The following TBL1XR1 variants were observed in gnomAD, a reference collection of about 807,000 sequenced individuals.
TBL1XR1 encodes the protein TBL1X/Y related 1.
In TBL1XR1, 5 loss-of-function variants were observed where a neutral mutation model predicts 66.9. The ratio of observed to expected loss-of-function variants is 0.07; its 90% CI spans 0.04 to 0.16. TBL1XR1 has a LOEUF of 0.16. Among genes scored for constraint, TBL1XR1 ranks in the 10% least tolerant of loss-of-function variants. The probability of loss-of-function intolerance (pLI) is 1.00; values close to 1 mark genes in which losing one functional copy is unlikely to be tolerated. For synonymous variants in TBL1XR1, 210 were observed against 206.0 expected (o/e 1.02, Z -0.17); for missense variants, 238 against 623.2 (o/e 0.38, Z 6.58).
At chr3:177,039,423 A>G (rs934260569) in intron 10 of TBL1XR1, among the ~76,000 whole-genome samples, 3 of 152,232 alleles carry the variant, frequency 2.0e-5, no homozygotes, top group East Asian at 1.9e-4. Context: ...GGAATACGGC[A>G]TATGATTTGC....
rs1222890401 is a variant in TBL1XR1, at chr3:177,185,830, CCTCT to C, written c.-122+11287_-122+11290del. On this transcript the variant is annotated intron_variant, in intron 1 of 15. Transcript: ENST00000457928. ...ACCAGCCTGAGCAACATAGTGAGAT[CCTCT>C]CTCTACAAAAAATTAAAAATAAAAA... Among the ~76,000 whole-genome samples the C allele has an allele frequency of 1.3e-4, 20 of 152,076 alleles. No homozygotes were observed. In the South Asian group the frequency reaches 1.5e-3, roughly 11 times the overall value.
At chr3:177,029,938 C>A (rs2108393431) in intron 14 of TBL1XR1, among the ~76,000 whole-genome samples, 1 of 152,118 alleles carries the variant, frequency 6.6e-6, no homozygotes, top group Non-Finnish European at 1.5e-5. Flanking sequence ...AAATGTTCAC[C>A]AGTCTGATAA....
In TBL1XR1 at chr3:177,091,496, T is replaced by C. The variant is rs545063942; in HGVS notation, c.-46+6970A>G. 1.2e-3 allele frequency among the ~76,000 whole-genome samples: 187 copies of C among 152,218 alleles called. 1 individual carries two copies. The highest frequency in any genetic ancestry group is 6.8e-3 in the South Asian group (33 of 4,828). ...CTGATCTGAGGACCAATGAAGGACA[T>C]GTACAAGATGAGCTTTGGCCAACAT... On this transcript the variant is annotated intron_variant, in intron 2 of 15. Transcript: ENST00000457928.
At chr3:177,093,683 A>C (rs1196287917) in intron 2 of TBL1XR1, among the ~76,000 whole-genome samples, 1 of 152,174 alleles carries the variant, frequency 6.6e-6, no homozygotes, top group Non-Finnish European at 1.5e-5. Flanking sequence ...TTTACAGCCA[A>C]CTGATCTTCG....
At chr3:177,119,199 C>T (rs565170571) in intron 1 of TBL1XR1, among the ~76,000 whole-genome samples, 2 of 152,286 alleles carry the variant, frequency 1.3e-5, no homozygotes, top group South Asian at 4.1e-4. Context: ...CTCCAAACTC[C>T]TGACCTCAGG....
chr3:177,120,824 T>C (rs1726898354), intron 1 of TBL1XR1: 1 of 152,286 alleles, frequency 6.6e-6, no homozygotes, highest in Admixed American at 6.5e-5. Flanking sequence ...TTTTAATCAC[T>C]ATCACATAGT....
intron 1 of TBL1XR1, among the ~76,000 whole-genome samples, chr3:177,188,227 G>A (rs1048273232): frequency 1.3e-5 from 2 of 151,808 alleles, no homozygotes; most frequent in African/African-American, 4.8e-5. Context: ...ACCGTGCCCG[G>A]CCCAGAGAAT....
intron 2 of TBL1XR1, among the ~76,000 whole-genome samples, chr3:177,095,820 G>A (rs887327705): frequency 5.3e-5 from 8 of 152,226 alleles, no homozygotes; most frequent in African/African-American, 4.8e-5. Flanking sequence ...TTGTGTCTAG[G>A]TAAAAGAAGA....
At chr3:177,094,802 G>C (rs969508262) in intron 2 of TBL1XR1, among the ~76,000 whole-genome samples, 18 of 151,812 alleles carry the variant, frequency 1.2e-4, no homozygotes, top group African/African-American at 4.1e-4. Flanking sequence ...ATATACAATG[G>C]ACCTTGTGGA....
chr3:177,099,347 A>T (rs745693313), intron 1 of TBL1XR1: 2 of 152,476 alleles, frequency 1.3e-5, no homozygotes, highest in African/African-American at 4.8e-5. Context: ...AGCCTGGGGT[A>T]CAACAGCGAG....
At position 177,023,657 on chromosome 3, in the gene TBL1XR1, T is replaced by TA. The variant is rs1195716612; in HGVS notation, c.*1840dup. ...TCTTTACCAATAGCAAATGCTACCCTACCTTAGTAAAACCAAGACTTGCTT... is the reference window on the plus strand; with the variant it reads ...TCTTTACCAATAGCAAATGCTACCCTAACCTTAGTAAAACCAAGACTTGCTT... On this transcript the variant is annotated 3_prime_UTR_variant, in exon 16 of 16. Coordinates refer to ENST00000457928, the MANE Select transcript of TBL1XR1 (RefSeq NM_024665.7). 1 of 152,572 alleles carries TA rather than the reference T, an allele frequency of 6.6e-6. No homozygotes were observed. The highest frequency in any genetic ancestry group is 1.5e-5 in the Non-Finnish European group (1 of 67,952). 9.5% of individuals were successfully genotyped at this position (152,572 alleles called of 1,614,324 possible).
At chr3:177,042,327 G>A (rs1255780939) in intron 10 of TBL1XR1, among the ~76,000 whole-genome samples, 2 of 152,092 alleles carry the variant, frequency 1.3e-5, no homozygotes, top group East Asian at 1.9e-4. Flanking sequence ...TATATGTCAG[G>A]ATGTTCCAGA....
intron 1 of TBL1XR1, among the ~76,000 whole-genome samples, chr3:177,133,830 C>T (rs1010521327): frequency 3.5e-5 from 5 of 142,236 alleles, no homozygotes; most frequent in Admixed American, 1.6e-4. Context: ...GAGCCAAGAT[C>T]GCGCCACTGC....
At chr3:177,082,593 G>C (rs186630819) in intron 2 of TBL1XR1, among the ~76,000 whole-genome samples, 2 of 150,886 alleles carry the variant, frequency 1.3e-5, no homozygotes, top group African/African-American at 4.9e-5. Context: ...ACAGTTATGC[G>C]TAACACTAGA....
intron 2 of TBL1XR1, among the ~76,000 whole-genome samples, chr3:177,092,576 T>C (rs1037136823): frequency 6.6e-6 from 1 of 152,086 alleles, no homozygotes; most frequent in African/African-American, 2.4e-5. Flanking sequence ...TGTAAAGAAA[T>C]TATTGTCAGC....
intron 1 of TBL1XR1, among the ~76,000 whole-genome samples, chr3:177,181,485 A>G (rs942448614): frequency 6.6e-6 from 1 of 151,592 alleles, no homozygotes; most frequent in African/African-American, 2.4e-5. Flanking sequence ...GTCTTAAAAA[A>G]AAAAAAAAAG....
intron 10 of TBL1XR1, among the ~76,000 whole-genome samples, chr3:177,040,534 TAAGAACTTGTAACTATGGATAGGAG>T (rs1715441401): frequency 1.3e-5 from 2 of 152,154 alleles, no homozygotes. Flanking sequence ...ATGTCATGCG[TAAGAACTTGTAACTATGGATAGGAG>T]AAGTAAAAAG....
At chr3:177,184,153 T>G (rs1449594322) in intron 1 of TBL1XR1, among the ~76,000 whole-genome samples, 1 of 152,106 alleles carries the variant, frequency 6.6e-6, no homozygotes, top group Non-Finnish European at 1.5e-5. Flanking sequence ...GTAAACTAAA[T>G]AGCCAACAAA....
chr3:177,047,699 A>C, intron 7 of TBL1XR1, 150 bp from the exon 8 acceptor site: 1 of 762,836 alleles, frequency 1.3e-6, no homozygotes, highest in South Asian at 1.9e-5. Flanking sequence ...TGTGAGTGCC[A>C]CTAAAGGCCT....
Sources: allele counts gnomAD v4.1 joint callset (sites outside exome capture counted in the v4.1 genomes callset), GRCh38; gene constraint gnomAD v4.1.1; transcripts MANE v1.5; gene names NCBI Gene and HGNC (gene_info 2026-07-23, HGNC 2026-07-21).